NFATC2: variants seen among roughly 807,000 people sequenced by gnomAD.
NFATC2 encodes nuclear factor of activated T cells 2.
In NFATC2, 22 loss-of-function variants were observed where a neutral mutation model predicts 87.3. The observed-to-expected ratio is 0.25, with a 90% CI of 0.18 to 0.36. NFATC2 has a LOEUF of 0.36. NFATC2 is among the 10% of genes least tolerant of loss of function. NFATC2 has a pLI of 1.00. For missense variants in NFATC2, 1,149 were observed against 1,259.1 expected (o/e 0.91, Z 1.32); for synonymous variants, 565 against 542.2 (o/e 1.04, Z -0.58).
rs772713845 is a variant in NFATC2, at chr20:51,435,706, G to A, written c.1905C>T (p.Pro635=). The change falls in exon 7 of 11, where the codon CCC becomes CCT. Residue 635 remains proline (P), a splice_region_variant and synonymous_variant. Coordinates refer to ENST00000371564, the MANE Select transcript of NFATC2 (RefSeq NM_012340.5). ...ACACTCAGGTGCGTCACGTGCTTAC[G>A]GGCTGGCTCTTGTCCTTATCCACCG... ...EATVDKDKSQ[P]NMLFVEIPEY... 1.2e-5 allele frequency: 20 copies of A among 1,609,214 alleles called. No individual in the cohort carries two copies. The highest frequency in any genetic ancestry group is 4.5e-5 in the East Asian group (2 of 44,840).
chr20:51,545,735 AATGGATGGATG>A (rs1404580867), upstream of NFATC2, among the ~76,000 whole-genome samples: 2 of 151,482 alleles, frequency 1.3e-5, no homozygotes. Context: ...TGGATGGAAG[AATGGATGGATG>A]ATGGATGGAG....
chr20:51,439,067 T>A (rs138930643), intron 6 of NFATC2, among the ~76,000 whole-genome samples: 133 of 152,326 alleles, frequency 8.7e-4, no homozygotes, highest in Non-Finnish European at 1.4e-3. Context: ...CAAAGATTCA[T>A]GCAGATGCAG....
intron 3 of NFATC2, among the ~76,000 whole-genome samples, chr20:51,506,137 G>T (rs1289158320): frequency 6.6e-6 from 1 of 152,198 alleles, no homozygotes; most frequent in Non-Finnish European, 1.5e-5. Context: ...AGCTGTAAAT[G>T]GGGTTAATGG....
chr20:51,409,214 T>A (rs368134586), intron 9 of NFATC2, among the ~76,000 whole-genome samples: 9 of 152,302 alleles, frequency 5.9e-5, no homozygotes, highest in African/African-American at 2.2e-4. Context: ...CCTGTGACCA[T>A]GCAACTCTGC....
At chr20:51,411,577 G>A (rs770161996) in intron 9 of NFATC2, among the ~76,000 whole-genome samples, 3 of 127,664 alleles carry the variant, frequency 2.3e-5, no homozygotes, top group Admixed American at 9.9e-5. Context: ...TCCCAGGCTC[G>A]TGTGCAGTAG....
intron 1 of NFATC2, among the ~76,000 whole-genome samples, chr20:51,553,402 G>A (rs1432169760): frequency 1.3e-5 from 2 of 151,842 alleles, no homozygotes; most frequent in African/African-American, 4.8e-5. Flanking sequence ...CGTGCTGGGC[G>A]CGGTGGCTCA....
At chr20:51,431,289 C>A (rs374344874) in intron 9 of NFATC2, among the ~76,000 whole-genome samples, 3 of 152,284 alleles carry the variant, frequency 2.0e-5, no homozygotes, top group South Asian at 4.1e-4. Context: ...ATGCACCTTG[C>A]GGCTCCCAGG....
intron 1 of NFATC2, among the ~76,000 whole-genome samples, chr20:51,532,771 G>A (rs2076655896): frequency 6.6e-6 from 1 of 152,212 alleles, no homozygotes; most frequent in Non-Finnish European, 1.5e-5. Flanking sequence ...GGAATTTTCG[G>A]GAAGCAGAAT....
intron 3 of NFATC2, among the ~76,000 whole-genome samples, chr20:51,509,830 T>A (rs1413620637): frequency 6.6e-6 from 1 of 152,202 alleles, no homozygotes; most frequent in Non-Finnish European, 1.5e-5. Flanking sequence ...CATAATCCAT[T>A]TTATGAGGTT....
At chr20:51,496,011 G>T (rs549081186) in intron 3 of NFATC2, among the ~76,000 whole-genome samples, 1 of 152,296 alleles carries the variant, frequency 6.6e-6, no homozygotes, top group East Asian at 1.9e-4. Flanking sequence ...CAAGATCTGG[G>T]TTTATTTTTC....
intron 8 of NFATC2, among the ~76,000 whole-genome samples, chr20:51,434,236 GCA>G (rs1568972296): frequency 1.3e-5 from 2 of 148,270 alleles, no homozygotes; most frequent in African/African-American, 5.0e-5. Flanking sequence ...GGCTGCCAGG[GCA>G]GTCAAGCTCA....
chr20:51,527,470 TTTCCCTCGACCTCCAGTCTGCCC>T (rs1376612163), intron 1 of NFATC2, among the ~76,000 whole-genome samples: 5 of 152,074 alleles, frequency 3.3e-5, no homozygotes, highest in African/African-American at 7.2e-5. Context: ...GAGTGCTCCG[TTTCCCTCGACCTCCAGTCTGCCC>T]TTCCCTCGAC....
chr20:51,504,988 C>G (rs2076151527), intron 3 of NFATC2, among the ~76,000 whole-genome samples: 2 of 134,404 alleles, frequency 1.5e-5, no homozygotes, highest in Non-Finnish European at 3.1e-5. Context: ...ATGAAGAGTG[C>G]TATCTAGTTC....
chr20:51,405,445 G>A (rs1017721972), intron 9 of NFATC2, among the ~76,000 whole-genome samples: 56 of 68,726 alleles, frequency 8.1e-4, no homozygotes, highest in South Asian at 5.4e-4. Context: ...TCATCTCACC[G>A]TGCCTCACCA....
At chr20:51,545,380 C>T (rs1182559636), upstream of NFATC2, among the ~76,000 whole-genome samples, 1 of 152,178 alleles carries the variant, frequency 6.6e-6, no homozygotes, top group East Asian at 1.9e-4. Flanking sequence ...ACCCAGCTGC[C>T]CCACCTTCCC....
intron 5 of NFATC2, among the ~76,000 whole-genome samples, chr20:51,458,654 A>C (rs1411206286): frequency 6.6e-6 from 1 of 152,046 alleles, no homozygotes; most frequent in Non-Finnish European, 1.5e-5. Context: ...AAAAAAAAAA[A>C]AAAGAAATTA....
At chr20:51,501,353 T>C (rs77527516) in intron 3 of NFATC2, among the ~76,000 whole-genome samples, 1 of 152,290 alleles carries the variant, frequency 6.6e-6, no homozygotes, top group Non-Finnish European at 1.5e-5. Flanking sequence ...TCCATGGTCT[T>C]ATAAAAGGCA....
At chr20:51,498,297 G>A (rs1329260619) in intron 3 of NFATC2, among the ~76,000 whole-genome samples, 1 of 152,194 alleles carries the variant, frequency 6.6e-6, no homozygotes, top group African/African-American at 2.4e-5. Flanking sequence ...AAGCCTCAAA[G>A]CAGCAGCAAC....
chr20:51,510,517 C>T (rs1392390350), intron 3 of NFATC2, among the ~76,000 whole-genome samples: 2 of 152,248 alleles, frequency 1.3e-5, no homozygotes, highest in South Asian at 4.1e-4. Flanking sequence ...CCCTTTTCAT[C>T]TGATACCTGC....
Sources: gnomAD v4.1 joint callset for allele counts (sites outside exome capture counted in the v4.1 genomes callset) on GRCh38, gnomAD v4.1.1 for gene constraint, MANE v1.5 for transcripts, NCBI Gene and HGNC (gene_info 2026-07-23, HGNC 2026-07-21) for gene names.